OLFM3: variants seen among roughly 807,000 people sequenced by gnomAD.
OLFM3 encodes the protein olfactomedin 3.
In OLFM3, 20 loss-of-function variants were observed where a neutral mutation model predicts 48.6. The observed-to-expected ratio is 0.41, with a 90% CI of 0.29 to 0.60. The LOEUF (loss-of-function observed/expected upper bound fraction) is 0.60, where lower values mean the gene tolerates loss of function less well. Ranked by LOEUF, OLFM3 falls within the 20% of genes least tolerant of loss-of-function variation. The pLI, the probability that OLFM3 is intolerant of heterozygous loss-of-function variation, is 0.28. For missense variants in OLFM3, 437 were observed against 544.3 expected (o/e 0.80, Z 1.96); for synonymous variants, 222 against 198.1 (o/e 1.12, Z -1.01).
intron 1 of OLFM3, among the ~76,000 whole-genome samples, chr1:101,996,284 C>T (rs746728506): frequency 6.6e-6 from 1 of 152,174 alleles, no homozygotes; most frequent in Non-Finnish European, 1.5e-5. Flanking sequence ...GTTTTGGACA[C>T]AAACCGCAGC....
At chr1:101,993,445 T>C (rs1447287467) in intron 1 of OLFM3, among the ~76,000 whole-genome samples, 1 of 152,120 alleles carries the variant, frequency 6.6e-6, no homozygotes, top group Non-Finnish European at 1.5e-5. Context: ...CCCTATAAAA[T>C]TGAGCAATAA....
At chr1:101,960,140 C>A (rs1250227990) in intron 1 of OLFM3, among the ~76,000 whole-genome samples, 2 of 152,038 alleles carry the variant, frequency 1.3e-5, no homozygotes, top group Non-Finnish European at 2.9e-5. Flanking sequence ...AATTGTGTAC[C>A]AAAAGCACTA....
intron 1 of OLFM3, among the ~76,000 whole-genome samples, chr1:101,908,525 G>A (rs960067245): frequency 2.0e-5 from 3 of 152,152 alleles, no homozygotes; most frequent in African/African-American, 7.2e-5. Flanking sequence ...TTGTAGGAGT[G>A]TTTCTGGTTG....
At chr1:101,994,555 G>GTGCC (rs1295724789) in intron 1 of OLFM3, among the ~76,000 whole-genome samples, 1 of 148,858 alleles carries the variant, frequency 6.7e-6, no homozygotes, top group African/African-American at 2.4e-5. Context: ...GGACACAATG[G>GTGCC]TGCCATCTGT....
At chr1:101,920,661 C>A (rs1188959199) in intron 1 of OLFM3, among the ~76,000 whole-genome samples, 4 of 152,088 alleles carry the variant, frequency 2.6e-5, no homozygotes, top group Non-Finnish European at 4.4e-5. Flanking sequence ...CTGTATTTTT[C>A]AAATTAAGGA....
intron 1 of OLFM3, among the ~76,000 whole-genome samples, chr1:101,916,012 A>T (rs1197040566): frequency 6.6e-6 from 1 of 152,092 alleles, no homozygotes; most frequent in East Asian, 1.9e-4. Context: ...ATATATGGGA[A>T]ATTGACACAA....
chr1:101,856,121 CTGTT>C (rs1656400283), intron 1 of OLFM3, among the ~76,000 whole-genome samples: 1 of 151,940 alleles, frequency 6.6e-6, no homozygotes, highest in Admixed American at 6.6e-5. Flanking sequence ...CATAGTTACA[CTGTT>C]TGTCATCATT....
At chr1:101,853,701 C>T (rs1259495693) in intron 1 of OLFM3, among the ~76,000 whole-genome samples, 2 of 152,040 alleles carry the variant, frequency 1.3e-5, no homozygotes, top group Admixed American at 1.3e-4. Flanking sequence ...TGTGAATATA[C>T]AGTACAGCTT....
chr1:101,982,011 G>C (rs1008088267), intron 1 of OLFM3, among the ~76,000 whole-genome samples: 1 of 152,042 alleles, frequency 6.6e-6, no homozygotes, highest in African/African-American at 2.4e-5. Context: ...AAAAACACTG[G>C]TCATTAGAAT....
At position 101,825,242 on chromosome 1, in the gene OLFM3, A is replaced by C. The variant is rs376340720; in HGVS notation, c.376T>G (p.Leu126Val). Residue 126 changes from leucine (L) to valine (V), a missense_variant, in exon 4 of 6, where the codon TTG (leucine) becomes GTG (valine). Physicochemically the swap from Leu to Val is conservative, Grantham distance 32 (BLOSUM62 1). Around this residue, in one of 3 missense-constraint regions of OLFM3, gnomAD observed 314 missense variants for 365.5 expected, o/e 0.86. Transcript: ENST00000370103. Reference sequence around the variant, plus strand: ...AGGAGCTCGTCCATTTTCTCTTTCAACTCCTGTGAAAAGCAGCCTATTGTT... The same window carrying C: ...AGGAGCTCGTCCATTTTCTCTTTCACCTCCTGTGAAAAGCAGCCTATTGTT... ...KTLMTKHFQELKEKMDELLPL... is the reference protein window; with the variant it reads ...KTLMTKHFQEVKEKMDELLPL... The C allele has an allele frequency of 1.5e-5, 24 of 1,612,818 alleles. No individual in the cohort carries two copies. In the African/African-American group the frequency reaches 1.7e-4, roughly 12 times the overall value.
chr1:101,885,124 C>A (rs1189240584), intron 1 of OLFM3, among the ~76,000 whole-genome samples: 1 of 151,932 alleles, frequency 6.6e-6, no homozygotes, highest in Non-Finnish European at 1.5e-5. Flanking sequence ...CATGTCTTCA[C>A]AGGATTTACA....
chr1:101,953,644 T>A (rs1660208529), intron 1 of OLFM3, among the ~76,000 whole-genome samples: 1 of 152,168 alleles, frequency 6.6e-6, no homozygotes, highest in African/African-American at 2.4e-5. Context: ...GTTCAGAGTA[T>A]TTTTGACCAG....
chr1:101,882,635 A>T (rs1471197249), intron 1 of OLFM3: 1 of 151,852 alleles, frequency 6.6e-6, no homozygotes, highest in East Asian at 1.9e-4. Context: ...AGGTAAAGTG[A>T]GAGATGGTTG....
intron 1 of OLFM3, among the ~76,000 whole-genome samples, chr1:101,974,375 G>A (rs1660891387): frequency 6.6e-6 from 1 of 152,038 alleles, no homozygotes; most frequent in African/African-American, 2.4e-5. Context: ...ATTTTTAGTA[G>A]GCTAACTAGG....
intron 1 of OLFM3, among the ~76,000 whole-genome samples, chr1:101,914,755 AATGG>A (rs1438030473): frequency 6.6e-6 from 1 of 152,220 alleles, no homozygotes; most frequent in Non-Finnish European, 1.5e-5. Flanking sequence ...AATCTGTTGT[AATGG>A]TCAAAACAAT....
chr1:101,856,985 A>G (rs1402187880), intron 1 of OLFM3, among the ~76,000 whole-genome samples: 1 of 152,022 alleles, frequency 6.6e-6, no homozygotes, highest in Admixed American at 6.6e-5. Flanking sequence ...AGTTAGTTTT[A>G]TAAATTCAGA....
In OLFM3 at chr1:101,925,801, A is replaced by T. The variant is rs908618808; in HGVS notation, c.69+70947T>A. On this transcript the variant is annotated intron_variant, in intron 1 of 5. Transcript: ENST00000370103. ...TGTCTCAGCCCCACAAAGTGCTAAGATTACAGGCATGGGTCACTGTGCCTG... is the reference window on the plus strand; with the variant it reads ...TGTCTCAGCCCCACAAAGTGCTAAGTTTACAGGCATGGGTCACTGTGCCTG... Among the ~76,000 whole-genome samples, 20 of 152,116 alleles carry T rather than the reference A, an allele frequency of 1.3e-4. 1 individual carries two copies. The East Asian group carries it at 3.5e-3, about 26-fold the overall frequency.
At chr1:101,954,307 C>G (rs1660226274) in intron 1 of OLFM3, among the ~76,000 whole-genome samples, 1 of 152,010 alleles carries the variant, frequency 6.6e-6, no homozygotes, top group Non-Finnish European at 1.5e-5. Flanking sequence ...AAAGGATTTA[C>G]TTCAAATTTA....
intron 1 of OLFM3, among the ~76,000 whole-genome samples, chr1:101,890,328 A>G (rs1657942128): frequency 6.6e-6 from 1 of 150,932 alleles, no homozygotes; most frequent in South Asian, 2.1e-4. Context: ...TAATACGAAC[A>G]ACCTTAAAAC....
Sources: allele counts gnomAD v4.1 joint callset (sites outside exome capture counted in the v4.1 genomes callset), GRCh38; gene constraint gnomAD v4.1.1; regional missense constraint gnomAD v4.1.1; transcripts MANE v1.5; gene names NCBI Gene and HGNC (gene_info 2026-07-23, HGNC 2026-07-21).